CDC23: variants seen among roughly 807,000 people sequenced by gnomAD.
The protein encoded by CDC23 is cell division cycle 23, also known as cell division cycle protein 23 homolog.
Under a neutral mutation model 81.7 loss-of-function variants are expected in CDC23, and 26 were observed. The observed-to-expected ratio is 0.32, with a 90% confidence interval of 0.23 to 0.44. The LOEUF (loss-of-function observed/expected upper bound fraction) is 0.44, where lower values mean the gene tolerates loss of function less well. Among genes scored for constraint, CDC23 ranks in the 20% least tolerant of loss-of-function variants. The pLI is 1.00. For synonymous variants in CDC23, 267 were observed against 270.8 expected (o/e 0.99, Z 0.14); for missense variants, 519 against 728.0 (o/e 0.71, Z 3.30).
intron 9 of CDC23, among the ~76,000 whole-genome samples, chr5:138,192,876 C>A (rs1279310687): frequency 6.6e-6 from 1 of 152,100 alleles, no homozygotes; most frequent in Non-Finnish European, 1.5e-5. Flanking sequence ...TTAAACACTG[C>A]AAGTTTTTAT....
rs1754773032 is a variant in CDC23, at chr5:138,187,882, T to A, written c.*1096A>T. ...TTCCTTAATATAAGATGAAGTGTCA[T>A]ATGTTAGGAGGTAAAAACGTAACAC... On this transcript the variant is annotated 3_prime_UTR_variant, in exon 16 of 16. Transcript: ENST00000394886. The A allele has an allele frequency of 6.2e-6, 1 of 160,280 alleles. No homozygotes were observed. 9.9% of individuals were successfully genotyped at this position (160,280 alleles called of 1,614,324 possible). A position where few individuals can be genotyped will look rare whatever the true frequency, so the allele number is the denominator to read the frequency against.
chr5:138,204,842 C>T (rs1331749332), intron 3 of CDC23, among the ~76,000 whole-genome samples: 2 of 151,594 alleles, frequency 1.3e-5, no homozygotes, highest in East Asian at 3.9e-4. Context: ...CTCCTGACCT[C>T]GTGATCCGCC....
intron 9 of CDC23, among the ~76,000 whole-genome samples, chr5:138,195,576 A>ATT (rs1754879839): frequency 1.4e-4 from 8 of 58,348 alleles, no homozygotes; most frequent in Non-Finnish European, 3.1e-4. Flanking sequence ...ATTTATATAT[A>ATT]ATATATTATA....
At chr5:138,195,243 C>T (rs1450514865) in intron 9 of CDC23, among the ~76,000 whole-genome samples, 1 of 151,178 alleles carries the variant, frequency 6.6e-6, no homozygotes, top group Admixed American at 6.6e-5. Context: ...AACATGTTAA[C>T]ACAAGTAACT....
intron 2 of CDC23, among the ~76,000 whole-genome samples, chr5:138,210,499 C>T (rs189339030): frequency 1.1e-4 from 17 of 152,302 alleles, no homozygotes; most frequent in Admixed American, 1.1e-3. Flanking sequence ...GCATTCCAGC[C>T]TGGGTGACAG....
At chr5:138,198,339 C>G in intron 8 of CDC23, 59 bp from the exon 9 acceptor site, 1 of 1,581,000 alleles carries the variant, frequency 6.3e-7, no homozygotes, top group South Asian at 1.1e-5. Flanking sequence ...AATTATTTTT[C>G]CTGTAGCTAA....
chr5:138,207,393 C>T (rs1476277240), intron 2 of CDC23, among the ~76,000 whole-genome samples: 3 of 152,056 alleles, frequency 2.0e-5, no homozygotes, highest in Non-Finnish European at 4.4e-5. Flanking sequence ...TCTTAGCATC[C>T]ATTTCTTCAT....
intron 6 of CDC23, among the ~76,000 whole-genome samples, chr5:138,199,470 T>G (rs1201871060): frequency 2.0e-5 from 3 of 152,046 alleles, no homozygotes; most frequent in Non-Finnish European, 2.9e-5. Context: ...GGAAACAGTA[T>G]AGAGATGACT....
chr5:138,205,626 T>C (rs1236054538), intron 3 of CDC23, among the ~76,000 whole-genome samples: 5 of 151,730 alleles, frequency 3.3e-5, no homozygotes, highest in South Asian at 2.1e-4. Context: ...GTGGTGGTGA[T>C]GGTTGCACAT....
At chr5:138,208,535 C>A (rs1156241163) in intron 2 of CDC23, among the ~76,000 whole-genome samples, 1 of 151,986 alleles carries the variant, frequency 6.6e-6, no homozygotes, top group Non-Finnish European at 1.5e-5. Context: ...ACAAAAAAAT[C>A]AAGAAAGGCA....
At chr5:138,192,026 T>C in intron 11 of CDC23, 89 bp from the exon 12 acceptor site, 1 of 1,163,362 alleles carries the variant, frequency 8.6e-7, no homozygotes, top group South Asian at 1.3e-5. Context: ...ATTTCAAATC[T>C]ATGCAACAAC....
In CDC23 at chr5:138,189,628, C is replaced by T; in HGVS notation, c.1623+5G>A. ...CAAACCTTTTATTAAAGAACTGATA[C>T]TCACATCATTAAATGCACAACACTT... On this transcript the variant is annotated splice_donor_5th_base_variant and intron_variant, in intron 15 of 15. Coordinates refer to ENST00000394886, the MANE Select transcript of CDC23 (RefSeq NM_004661.4). 6.2e-7 allele frequency: 1 copy of T among 1,610,096 alleles called. No individual in the cohort carries two copies. The highest frequency in any genetic ancestry group is 8.5e-7 in the Non-Finnish European group (1 of 1,177,904).
At chr5:138,196,302 T>C (rs1384499994) in intron 9 of CDC23, among the ~76,000 whole-genome samples, 4 of 151,818 alleles carry the variant, frequency 2.6e-5, no homozygotes, top group Non-Finnish European at 4.4e-5. Flanking sequence ...TTGATTTTTT[T>C]TTTTTTTTGA....
At chr5:138,204,556 G>C (rs933999648) in intron 3 of CDC23, among the ~76,000 whole-genome samples, 3 of 149,728 alleles carry the variant, frequency 2.0e-5, no homozygotes, top group African/African-American at 7.3e-5. Flanking sequence ...TCTTATTCTC[G>C]CAACTTGTCA....
chr5:138,190,607 A>G (rs187067643), intron 13 of CDC23, among the ~76,000 whole-genome samples: 129 of 152,300 alleles, frequency 8.5e-4, no homozygotes, highest in Middle Eastern at 3.4e-3. Context: ...CTACTAAAAA[A>G]TACAAAAATT....
intron 3 of CDC23, among the ~76,000 whole-genome samples, chr5:138,204,619 T>C (rs1253676977): frequency 7.2e-6 from 1 of 138,238 alleles, no homozygotes; most frequent in Non-Finnish European, 1.6e-5. Flanking sequence ...ACATTCAGAC[T>C]CTCTTTTTTC....
intron 15 of CDC23, 42 bp from the exon 16 acceptor site, chr5:138,189,190 C>G (rs1047202141): frequency 6.3e-7 from 1 of 1,579,754 alleles, no homozygotes; most frequent in Non-Finnish European, 8.6e-7. Flanking sequence ...ATGTCCAAAG[C>G]TAGTCTCGAA....
intron 3 of CDC23, among the ~76,000 whole-genome samples, chr5:138,203,131 T>G (rs1755007127): frequency 6.6e-6 from 1 of 151,932 alleles, no homozygotes; most frequent in Non-Finnish European, 1.5e-5. Flanking sequence ...AGGGAAAGAT[T>G]CACATACCAA....
intron 13 of CDC23, chr5:138,190,115 A>G: frequency 1.7e-6 from 1 of 575,946 alleles, no homozygotes; most frequent in Non-Finnish European, 3.1e-6. Context: ...ATGGAAGGAG[A>G]GTCAGTAAAT....
Sources: allele counts gnomAD v4.1 joint callset (sites outside exome capture counted in the v4.1 genomes callset), GRCh38; gene constraint gnomAD v4.1.1; transcripts MANE v1.5; gene names NCBI Gene and HGNC (gene_info 2026-07-23, HGNC 2026-07-21).